MTHFD1: variants seen among roughly 807,000 people sequenced by gnomAD.
The protein encoded by MTHFD1 is methylenetetrahydrofolate dehydrogenase, cyclohydrolase and formyltetrahydrofolate synthetase 1.
In MTHFD1, 44 loss-of-function variants were observed where a neutral mutation model predicts 110.3. The ratio of observed to expected loss-of-function variants is 0.40; its 90% CI spans 0.31 to 0.51. The LOEUF (loss-of-function observed/expected upper bound fraction) is 0.51, where lower values mean the gene tolerates loss of function less well. Ranked by LOEUF, MTHFD1 falls within the 20% of genes least tolerant of loss-of-function variation. MTHFD1 has a pLI of 0.60. For missense variants in MTHFD1, 909 were observed against 1,173.1 expected, an observed-to-expected ratio of 0.77 and a Z score of 3.29; for synonymous variants, 402 against 428.8, an observed-to-expected ratio of 0.94 and a Z score of 0.77.
At chr14:64,397,192 A>T (rs9671542) in intron 1 of MTHFD1, among the ~76,000 whole-genome samples, 1,418 of 4,246 alleles carry the variant, frequency 0.33, 295 homozygotes, top group Middle Eastern at 0.75. Context: ...TATATATATA[A>T]AAAACAGTAA....
intron 23 of MTHFD1, chr14:64,448,622 C>T: frequency 4.9e-6 from 2 of 404,088 alleles, no homozygotes; most frequent in Non-Finnish European, 9.3e-6. Context: ...AACAGAAGGT[C>T]ATAGGCCTAT....
intron 21 of MTHFD1, among the ~76,000 whole-genome samples, chr14:64,443,832 A>C (rs2078267231): frequency 6.6e-6 from 1 of 151,966 alleles, no homozygotes; most frequent in Non-Finnish European, 1.5e-5. Flanking sequence ...CTGTGCATGG[A>C]GGGGAACATT....
chr14:64,412,044 G>A (rs777534137), intron 3 of MTHFD1, among the ~76,000 whole-genome samples: 3 of 152,162 alleles, frequency 2.0e-5, no homozygotes, highest in South Asian at 2.1e-4. Flanking sequence ...GATTTACATT[G>A]CCATGGTGAA....
intron 2 of MTHFD1, among the ~76,000 whole-genome samples, chr14:64,402,314 T>C (rs1425511930): frequency 6.6e-6 from 1 of 152,242 alleles, no homozygotes; most frequent in African/African-American, 2.4e-5. Context: ...TATGAAAGAA[T>C]TGGAATCATT....
rs530768829 is a variant in MTHFD1 at position 64,442,358 on chromosome 14, G to C, written c.2092G>C (p.Val698Leu). Residue 698 changes from valine to leucine, a missense_variant, in exon 21 of 28, where the codon GTT becomes CTT. Physicochemically the swap from Val to Leu is conservative, Grantham distance 32. Transcript: ENST00000652337. ...CCTCTGCCCCCACGTGGTGGTGCTT[G>C]TTGCCACTGTCAGGGCTCTCAAGAT... ...SGLCPHVVVLVATVRALKMHG... is the reference protein window; with the variant it reads ...SGLCPHVVVLLATVRALKMHG... 6.2e-7 allele frequency: 1 copy of C among 1,614,238 alleles called. No homozygotes were observed. Among genetic ancestry groups the C allele is most frequent in the East Asian group, 2.2e-5 (1 of 44,882 alleles).
At chr14:64,396,870 C>CGAGGAGGGCAGATCACGAGGT (rs2077853576) in intron 1 of MTHFD1, among the ~76,000 whole-genome samples, 1 of 147,882 alleles carries the variant, frequency 6.8e-6, no homozygotes, top group African/African-American at 2.5e-5. Flanking sequence ...TTTGGGAGGC[C>CGAGGAGGGCAGATCACGAGGT]GAGGAGGGCA....
chr14:64,433,713 C>CTTTTTTTTTTTT lies in MTHFD1; in HGVS notation c.1494+1852_1494+1853insTTTTTTTTTTTT, dbSNP rs1270622250. On this transcript the variant is annotated intron_variant, in intron 15 of 27. Transcript: ENST00000652337. Reference sequence around the variant, plus strand: ...TACTTGCATGAACCACTGAGCTCAGCATTTTTTTTTTTTTTTTTTTTTTAA... The same window carrying CTTTTTTTTTTTT: ...TACTTGCATGAACCACTGAGCTCAGCTTTTTTTTTTTTATTTTTTTTTTTTTTTTTTTTTTAA... Among the ~76,000 whole-genome samples the CTTTTTTTTTTTT allele has an allele frequency of 2.3e-5, 3 of 133,256 alleles. 1 individual carries two copies. Among genetic ancestry groups the CTTTTTTTTTTTT allele is most frequent in the Non-Finnish European group, 3.2e-5 (2 of 63,086 alleles). 87.4% of individuals were successfully genotyped at this position (133,256 alleles called of 152,430 possible). A position where few individuals can be genotyped will look rare whatever the true frequency, so the allele number is the denominator to read the frequency against.
chr14:64,445,077 A>G, intron 22 of MTHFD1: 1 of 372,420 alleles, frequency 2.7e-6, no homozygotes. Flanking sequence ...TCTAGTGGGT[A>G]GAAACTGGGG....
intron 4 of MTHFD1, 45 bp from the exon 5 acceptor site, chr14:64,415,313 T>C: frequency 6.4e-7 from 1 of 1,562,664 alleles, no homozygotes; most frequent in African/African-American, 1.4e-5. Flanking sequence ...TTCCTACCTT[T>C]TGATTTCTGT....
At chr14:64,401,989 G>T (rs2077901510) in intron 2 of MTHFD1, among the ~76,000 whole-genome samples, 1 of 152,202 alleles carries the variant, frequency 6.6e-6, no homozygotes, top group African/African-American at 2.4e-5. Context: ...TCATACAGAT[G>T]TGTAGCTATA....
chr14:64,456,278 G>T (rs1241278901), intron 26 of MTHFD1, among the ~76,000 whole-genome samples: 1 of 152,134 alleles, frequency 6.6e-6, no homozygotes, highest in South Asian at 2.1e-4. Flanking sequence ...GGACCAAGGC[G>T]TTTCCACACA....
At chr14:64,399,490 C>T (rs527392550) in intron 1 of MTHFD1, among the ~76,000 whole-genome samples, 7 of 151,846 alleles carry the variant, frequency 4.6e-5, no homozygotes, top group Non-Finnish European at 1.0e-4. Context: ...GAAACCCCAT[C>T]TCTACTAAAA....
rs2078055203 is a variant in MTHFD1 at position 64,419,872 on chromosome 14, A to G, written c.674A>G (p.Glu225Gly). 6.2e-7 allele frequency: 1 copy of G among 1,613,874 alleles called. No individual in the cohort carries two copies. Among genetic ancestry groups the G allele is most frequent in the African/African-American group, 1.3e-5 (1 of 74,846 alleles). Residue 225 changes from glutamate to glycine, a missense_variant, in exon 8 of 28, where the codon GAG (glutamate) becomes GGG (glycine). Physicochemically the swap from Glu to Gly is moderately conservative, Grantham distance 98. This residue lies in a region of MTHFD1 where 424 missense variants were observed against 510.4 expected (regional missense o/e 0.83). Coordinates refer to ENST00000652337, the MANE Select transcript of MTHFD1 (RefSeq NM_005956.4). ...ATGQPEMVKG[E>G]WIKPGAIVID... The stretch of plus-strand genomic sequence containing the variant: ...GGTCAGCCTGAAATGGTTAAAGGGG[A>G]GTGGATCAAACCTGGGGCAATAGTC...
intron 1 of MTHFD1, among the ~76,000 whole-genome samples, chr14:64,397,168 T>TATATATAA (rs2077861053): frequency 2.1e-4 from 4 of 18,788 alleles, no homozygotes; most frequent in Non-Finnish European, 3.7e-4. Flanking sequence ...TATATATATA[T>TATATATAA]ATATATATAT....
chr14:64,419,039 T>A (rs1231414625), intron 7 of MTHFD1, among the ~76,000 whole-genome samples: 2 of 152,150 alleles, frequency 1.3e-5, no homozygotes, highest in African/African-American at 4.8e-5. Flanking sequence ...AAGCTTTTTG[T>A]AGCGACAGGG....
chr14:64,446,917 G>A (rs1488520676), intron 22 of MTHFD1, among the ~76,000 whole-genome samples: 2 of 152,048 alleles, frequency 1.3e-5, no homozygotes, highest in South Asian at 4.1e-4. Context: ...GATCATAGCT[G>A]CAGCCTCTAA....
intron 1 of MTHFD1, 138 bp downstream of exon 1, chr14:64,388,606 C>G: frequency 1.2e-6 from 1 of 803,408 alleles, no homozygotes; most frequent in South Asian, 1.4e-5. Context: ...AGACCTGCAG[C>G]CAAAGAAAGA....
At chr14:64,425,582 T>G in intron 9 of MTHFD1, 148 bp from the exon 10 acceptor site, 1 of 742,900 alleles carries the variant, frequency 1.3e-6, no homozygotes, top group East Asian at 2.6e-5. Flanking sequence ...TAGGTGCCTC[T>G]TGACTCTTAG....
intron 21 of MTHFD1, among the ~76,000 whole-genome samples, chr14:64,443,613 A>C (rs1596553725): frequency 6.6e-6 from 1 of 152,178 alleles, no homozygotes; most frequent in South Asian, 2.1e-4. Context: ...CAACCCCAGC[A>C]CCCCTATCCA....
Sources: gnomAD v4.1 joint callset for allele counts (sites outside exome capture counted in the v4.1 genomes callset) on GRCh38, gnomAD v4.1.1 for gene constraint, gnomAD v4.1.1 regional missense constraint, MANE v1.5 for transcripts, NCBI Gene and HGNC (gene_info 2026-07-23, HGNC 2026-07-21) for gene names.